ITPRID1: variants seen among roughly 807,000 people sequenced by gnomAD.
ITPRID1 encodes the protein ITPR interacting domain containing 1.
ITPRID1 carries 96 observed loss-of-function variants against 95.4 expected under a neutral mutation model. The ratio of observed to expected loss-of-function variants is 1.01; its 90% CI spans 0.85 to 1.19. The LOEUF is 1.19. Among genes scored for constraint, ITPRID1 ranks in the 50% most tolerant of loss-of-function variants. The pLI, the probability that ITPRID1 is intolerant of heterozygous loss-of-function variation, is 0.00. For missense variants in ITPRID1, 1,339 were observed against 1,252.9 expected, an observed-to-expected ratio of 1.07 and a Z score of -1.04; for synonymous variants, 510 against 453.6, an observed-to-expected ratio of 1.12 and a Z score of -1.58.
chr7:31,605,078 C>T (rs1331938429), intron 10 of ITPRID1, among the ~76,000 whole-genome samples: 1 of 151,284 alleles, frequency 6.6e-6, no homozygotes, highest in Non-Finnish European at 1.5e-5. Context: ...GTGGAGGTTG[C>T]AGTAAACCGA....
chr7:31,584,139 G>A (rs990283199), intron 10 of ITPRID1, among the ~76,000 whole-genome samples: 2 of 152,154 alleles, frequency 1.3e-5, no homozygotes, highest in African/African-American at 4.8e-5. Context: ...TTATAAGGGA[G>A]TTAGAAGTAG....
At chr7:31,595,826 G>A (rs1265262015) in intron 10 of ITPRID1, among the ~76,000 whole-genome samples, 1 of 151,238 alleles carries the variant, frequency 6.6e-6, no homozygotes, top group Non-Finnish European at 1.5e-5. Context: ...ATTTTTATAG[G>A]AAAAAAGCCA....
At chr7:31,618,661 ATAGTT>A (rs1787502754) in intron 10 of ITPRID1, among the ~76,000 whole-genome samples, 1 of 140,418 alleles carries the variant, frequency 7.1e-6, no homozygotes, top group Non-Finnish European at 1.5e-5. Flanking sequence ...ACCCATAATT[ATAGTT>A]GAGTATTAGG....
Position 31,552,982 on chromosome 7 carries a change from T to TTG in ITPRID1, c.-23-8_-23-7dup, listed in dbSNP as rs143013342. On this transcript the variant is annotated intron_variant, in intron 2 of 14. Coordinates refer to ENST00000615280, the MANE Select transcript of ITPRID1 (RefSeq NM_001257967.3). ...GCTGAACTCATCGTGTCTGATTTGT[T>TTG]TGTGTGTGTGTGTTTTAAGTTAGTT... 0.016 allele frequency: 25,969 copies of TTG among 1,584,170 alleles called. 232 individuals are homozygous for TTG. The highest frequency in any genetic ancestry group is 0.019 in the Non-Finnish European group (22,046 of 1,164,534).
At chr7:31,549,196 T>C (rs190051080) in intron 1 of ITPRID1, among the ~76,000 whole-genome samples, 2 of 152,262 alleles carry the variant, frequency 1.3e-5, no homozygotes, top group African/African-American at 2.4e-5. Flanking sequence ...TAGTCTATAA[T>C]TGAAGGAATC....
intron 1 of ITPRID1, among the ~76,000 whole-genome samples, chr7:31,540,251 C>G (rs772394363): frequency 6.6e-6 from 1 of 151,948 alleles, no homozygotes; most frequent in Non-Finnish European, 1.5e-5. Flanking sequence ...ACTCACTAGA[C>G]GTGGGGGTGA....
At chr7:31,611,608 T>C (rs1458076928) in intron 10 of ITPRID1, among the ~76,000 whole-genome samples, 1 of 151,970 alleles carries the variant, frequency 6.6e-6, no homozygotes, top group Non-Finnish European at 1.5e-5. Flanking sequence ...ATATTCTATA[T>C]TCTATATTCA....
At chr7:31,620,520 C>G (rs1291147608) in intron 10 of ITPRID1, among the ~76,000 whole-genome samples, 2 of 151,324 alleles carry the variant, frequency 1.3e-5, no homozygotes, top group African/African-American at 4.9e-5. Flanking sequence ...GGACCTCTAG[C>G]AAACTCCAAC....
intron 5 of ITPRID1, among the ~76,000 whole-genome samples, chr7:31,567,574 C>T (rs1190640500): frequency 2.8e-5 from 4 of 141,634 alleles, no homozygotes; most frequent in East Asian, 2.1e-4. Flanking sequence ...TTTCTCACCC[C>T]GCCTGACTCT....
intron 8 of ITPRID1, among the ~76,000 whole-genome samples, chr7:31,576,053 T>C (rs1785171183): frequency 6.6e-6 from 1 of 152,204 alleles, no homozygotes; most frequent in African/African-American, 2.4e-5. Flanking sequence ...CATTTACCAA[T>C]ATTTGAATAG....
In ITPRID1 at chr7:31,642,998, T is replaced by A. The variant is rs1364507961; in HGVS notation, c.1628T>A (p.Leu543His). The A allele has an allele frequency of 1.2e-6, 2 of 1,613,998 alleles. No individual in the cohort carries two copies. The highest frequency in any genetic ancestry group is 4.5e-5 in the East Asian group (2 of 44,866). The change falls in exon 12 of 15, where the codon CTT (leucine) becomes CAT (histidine). Residue 543 changes from leucine to histidine, a missense_variant. Coordinates refer to ENST00000615280, the MANE Select transcript of ITPRID1 (RefSeq NM_001257967.3). ...AGGAAAGACAGCCATCTGTGGCAGC[T>A]TCTGCCAATGCCCCATGCTGAGTAT... Reference protein sequence around the residue: ...CPRKDSHLWQLLPMPHAEYEV... With the variant: ...CPRKDSHLWQHLPMPHAEYEV...
At chr7:31,560,641 A>G (rs1053405700) in intron 5 of ITPRID1, among the ~76,000 whole-genome samples, 1 of 152,226 alleles carries the variant, frequency 6.6e-6, no homozygotes, top group African/African-American at 2.4e-5. Context: ...AAGGAAATCA[A>G]AGATGACTGC....
At chr7:31,596,191 TA>T (rs1209869349) in intron 10 of ITPRID1, among the ~76,000 whole-genome samples, 2 of 151,262 alleles carry the variant, frequency 1.3e-5, no homozygotes, top group African/African-American at 2.4e-5. Flanking sequence ...GCTAATACCA[TA>T]GGGGAAAAAT....
At chr7:31,529,661 C>A (rs1783531339) in intron 1 of ITPRID1, 3 of 942,874 alleles carry the variant, frequency 3.2e-6, no homozygotes, top group African/African-American at 3.3e-5. Flanking sequence ...TAGGAGCAGA[C>A]AGAAACTTGG....
intron 1 of ITPRID1, among the ~76,000 whole-genome samples, chr7:31,515,997 T>G (rs955571429): frequency 1.4e-4 from 21 of 152,298 alleles, no homozygotes; most frequent in African/African-American, 5.1e-4. Flanking sequence ...AGTTTTTTTT[T>G]GCCAACAAAA....
chr7:31,650,810 C>G (rs1014663246), intron 12 of ITPRID1, among the ~76,000 whole-genome samples: 2 of 152,124 alleles, frequency 1.3e-5, no homozygotes, highest in African/African-American at 2.4e-5. Flanking sequence ...TCTCACAAAC[C>G]CTTACTCTGG....
intron 12 of ITPRID1, among the ~76,000 whole-genome samples, chr7:31,650,210 A>G (rs907236951): frequency 2.0e-5 from 3 of 152,222 alleles, no homozygotes; most frequent in Non-Finnish European, 4.4e-5. Context: ...AACATTTAAT[A>G]AATACTCTTA....
chr7:31,647,649 G>A lies in ITPRID1; in HGVS notation c.2584-3493G>A, dbSNP rs142742136. 2.1e-3 allele frequency among the ~76,000 whole-genome samples: 264 copies of A among 127,480 alleles called. 3 individuals are homozygous for A. Among genetic ancestry groups the A allele is most frequent in the African/African-American group, 7.3e-3 (244 of 33,366 alleles). 83.6% of individuals were successfully genotyped at this position (127,480 alleles called of 152,430 possible). ...AGATCATGCCACTGCACTCCAGCCT[G>A]AGCAACAGAGAGAGTCTCCGTCTCA... On this transcript the variant is annotated intron_variant, in intron 12 of 14. Transcript: ENST00000615280.
At chr7:31,630,244 C>CAAAAAA (rs71557496) in intron 10 of ITPRID1, among the ~76,000 whole-genome samples, 3 of 103,712 alleles carry the variant, frequency 2.9e-5, no homozygotes, top group African/African-American at 3.8e-5. Flanking sequence ...GTCTACTTGG[C>CAAAAAA]AAAAAAAAAA....
Sources: gnomAD v4.1 joint callset for allele counts (sites outside exome capture counted in the v4.1 genomes callset) on GRCh38, gnomAD v4.1.1 for gene constraint, MANE v1.5 for transcripts, NCBI Gene and HGNC (gene_info 2026-07-23, HGNC 2026-07-21) for gene names.